The following METTL15 variants were observed in gnomAD, a reference collection of about 807,000 sequenced individuals.
METTL15 encodes the protein methyltransferase 15, mitochondrial 12S rRNA N4-cytidine, also known as 12S rRNA N(4)-cytidine methyltransferase METTL15.
METTL15 carries 34 observed loss-of-function variants against 38.3 expected under a neutral mutation model. The observed-to-expected ratio is 0.89, with a 90% confidence interval of 0.68 to 1.18. The LOEUF (loss-of-function observed/expected upper bound fraction) is 1.18. METTL15 is among the 50% of genes most tolerant of loss of function. The pLI is 0.00. For missense variants in METTL15, 438 were observed against 498.4 expected, an observed-to-expected ratio of 0.88 and a Z score of 1.15; for synonymous variants, 162 against 170.9, an observed-to-expected ratio of 0.95 and a Z score of 0.41.
At chr11:28,170,304 A>C (rs996982646) in intron 3 of METTL15, among the ~76,000 whole-genome samples, 2 of 152,080 alleles carry the variant, frequency 1.3e-5, no homozygotes, top group Non-Finnish European at 2.9e-5. Context: ...TGGTTTCTCC[A>C]GATAATGAAT....
intron 6 of METTL15, among the ~76,000 whole-genome samples, chr11:28,438,695 GAC>G (rs760259356): frequency 1.8e-3 from 225 of 124,122 alleles, no homozygotes; most frequent in Middle Eastern, 5.7e-3. Flanking sequence ...TTTTTTTGGA[GAC>G]AGAGTCTCGC....
At chr11:28,235,431 C>T (rs1353024738) in intron 4 of METTL15, among the ~76,000 whole-genome samples, 1 of 151,804 alleles carries the variant, frequency 6.6e-6, no homozygotes, top group Non-Finnish European at 1.5e-5. Context: ...ATTCTTCCTA[C>T]CCATGAGCAT....
chr11:28,373,825 C>T (rs934339383), intron 5 of METTL15, among the ~76,000 whole-genome samples: 1 of 152,096 alleles, frequency 6.6e-6, no homozygotes, highest in Admixed American at 6.6e-5. Context: ...TTTAATCCAT[C>T]TTGAATCGAT....
At chr11:28,193,708 A>G (rs955304106) in intron 3 of METTL15, among the ~76,000 whole-genome samples, 5 of 152,160 alleles carry the variant, frequency 3.3e-5, no homozygotes, top group African/African-American at 1.2e-4. Context: ...TCATATCATT[A>G]GCTATTTTCA....
intron 6 of METTL15, among the ~76,000 whole-genome samples, chr11:28,467,661 A>C (rs1037597041): frequency 1.3e-5 from 2 of 152,122 alleles, no homozygotes; most frequent in Non-Finnish European, 2.9e-5. Flanking sequence ...TCAGGTACTG[A>C]GTGTCTTCTC....
chr11:28,364,650 A>G (rs957353389), intron 5 of METTL15, among the ~76,000 whole-genome samples: 3 of 152,122 alleles, frequency 2.0e-5, no homozygotes, highest in East Asian at 1.9e-4. Flanking sequence ...GGCTTATTCT[A>G]TTTCTACTTG....
At chr11:28,108,721 CT>C (rs771840919) in intron 1 of METTL15, among the ~76,000 whole-genome samples, 138 of 152,290 alleles carry the variant, frequency 9.1e-4, no homozygotes, top group Non-Finnish European at 1.5e-3. Flanking sequence ...CCCATTAGTA[CT>C]GACCGTGAAA....
At chr11:28,180,149 C>A (rs979560073) in intron 3 of METTL15, among the ~76,000 whole-genome samples, 7 of 151,808 alleles carry the variant, frequency 4.6e-5, no homozygotes, top group African/African-American at 1.7e-4. Context: ...CTATGGTAGA[C>A]CATAATGTTC....
At chr11:28,185,544 A>C (rs939384526) in intron 3 of METTL15, among the ~76,000 whole-genome samples, 1 of 151,446 alleles carries the variant, frequency 6.6e-6, no homozygotes, top group Non-Finnish European at 1.5e-5. Flanking sequence ...GTTGCCATCA[A>C]TTTTATTAGT....
intron 4 of METTL15, among the ~76,000 whole-genome samples, chr11:28,288,811 A>C (rs894335920): frequency 1.3e-5 from 2 of 152,118 alleles, no homozygotes; most frequent in African/African-American, 4.8e-5. Context: ...CCCTGAACTT[A>C]AAAGTTAAAT....
At chr11:28,290,511 T>A in intron 5 of METTL15, 114 bp downstream of exon 5, 2 of 833,648 alleles carry the variant, frequency 2.4e-6, no homozygotes, top group Non-Finnish European at 3.8e-6. Context: ...CACCTAACAC[T>A]ACCAATACAT....
At chr11:28,182,537 G>C (rs1471826837) in intron 3 of METTL15, among the ~76,000 whole-genome samples, 1 of 151,886 alleles carries the variant, frequency 6.6e-6, no homozygotes, top group Non-Finnish European at 1.5e-5. Context: ...TCTTGTTTTT[G>C]TCAGGTTTGT....
At chr11:28,451,132 A>C (rs1851116796) in intron 6 of METTL15, among the ~76,000 whole-genome samples, 1 of 152,238 alleles carries the variant, frequency 6.6e-6, no homozygotes, top group African/African-American at 2.4e-5. Context: ...AGGAAACTGC[A>C]CTGGGATGAT....
At chr11:28,182,635 T>A (rs1242055551) in intron 3 of METTL15, among the ~76,000 whole-genome samples, 2 of 151,884 alleles carry the variant, frequency 1.3e-5, no homozygotes, top group Non-Finnish European at 2.9e-5. Flanking sequence ...TGGTAACAGT[T>A]CCATGCTGTT....
At chr11:28,186,318 G>T (rs1005217552) in intron 3 of METTL15, among the ~76,000 whole-genome samples, 1 of 151,082 alleles carries the variant, frequency 6.6e-6, no homozygotes, top group African/African-American at 2.4e-5. Flanking sequence ...CCTATATAAT[G>T]GGATTTTGTG....
rs1856495710 is a variant in METTL15, at chr11:28,291,101, A to C, written c.599+704A>C. Among the ~76,000 whole-genome samples, 3 of 145,888 alleles carry C rather than the reference A, an allele frequency of 2.1e-5. No homozygotes were observed. In the Admixed American group the frequency reaches 2.1e-4, roughly 10 times the overall value. The stretch of plus-strand genomic sequence containing the variant: ...GTCTCGTTCTGTCACCCAAGCTGGC[A>C]TGCAGTGGCATGATCTCGCACTGCA... On this transcript the variant is annotated intron_variant, in intron 5 of 6. Coordinates refer to ENST00000407364, the MANE Select transcript of METTL15 (RefSeq NM_001113528.2).
At chr11:28,209,977 C>G (rs964673812) in intron 3 of METTL15, among the ~76,000 whole-genome samples, 7 of 151,950 alleles carry the variant, frequency 4.6e-5, no homozygotes, top group African/African-American at 1.4e-4. Flanking sequence ...ATGAAGTTTA[C>G]TGAAAGGTCC....
chr11:28,425,133 G>A lies in METTL15; in HGVS notation c.*424+769G>A, dbSNP rs571763810. Among the ~76,000 whole-genome samples, 5 of 152,290 alleles carry A rather than the reference G, an allele frequency of 3.3e-5. No individual in the cohort carries two copies. The South Asian group carries it at 1.0e-3, about 32-fold the overall frequency. On this transcript the variant is annotated intron_variant and NMD_transcript_variant, in intron 6 of 7. Transcript: ENST00000532947. Reference sequence around the variant, plus strand: ...CAGAAGACTGAGAGGCAGATGGGCTGTAGGAACAATAAAACCTACTTAAAT... The same window carrying A: ...CAGAAGACTGAGAGGCAGATGGGCTATAGGAACAATAAAACCTACTTAAAT...
intron 5 of METTL15, among the ~76,000 whole-genome samples, chr11:28,385,897 A>C (rs1419524343): frequency 2.0e-5 from 3 of 152,134 alleles, no homozygotes; most frequent in Admixed American, 6.6e-5. Context: ...TGATTTGTGC[A>C]TACAATTTAA....
Sources: gnomAD v4.1 joint callset for allele counts (sites outside exome capture counted in the v4.1 genomes callset) on GRCh38, gnomAD v4.1.1 for gene constraint, MANE v1.5 for transcripts, NCBI Gene and HGNC (gene_info 2026-07-23, HGNC 2026-07-21) for gene names.